Variants in CLEC16A observed in about 807,000 individuals in gnomAD.
CLEC16A encodes C-type lectin domain containing 16A, also known as protein CLEC16A.
A neutral mutation model predicts 109.5 loss-of-function variants in CLEC16A; 51 were observed. That is an observed-to-expected ratio of 0.47 (90% CI 0.37 to 0.59). The LOEUF (loss-of-function observed/expected upper bound fraction) is 0.59, where lower values mean the gene tolerates loss of function less well. CLEC16A is among the 20% of genes least tolerant of loss of function. The pLI is 0.00. For missense variants in CLEC16A, 1,339 were observed against 1,394.0 expected, an observed-to-expected ratio of 0.96 and a Z score of 0.63; for synonymous variants, 673 against 564.2, an observed-to-expected ratio of 1.19 and a Z score of -2.73.
chr16:11,167,605 A>G (rs987403862), intron 23 of CLEC16A, among the ~76,000 whole-genome samples: 2 of 152,092 alleles, frequency 1.3e-5, no homozygotes, highest in Admixed American at 1.3e-4. Context: ...TTTCCAGTTC[A>G]TGCCTGTGGC....
intron 22 of CLEC16A, among the ~76,000 whole-genome samples, chr16:11,148,292 A>T (rs533174936): frequency 5.9e-5 from 9 of 152,280 alleles, no homozygotes; most frequent in African/African-American, 2.2e-4. Flanking sequence ...AATGACTTTT[A>T]AAAATGTCAT....
At chr16:10,948,154 A>T (rs1376934904) in intron 1 of CLEC16A, among the ~76,000 whole-genome samples, 2 of 152,132 alleles carry the variant, frequency 1.3e-5, no homozygotes, top group African/African-American at 4.8e-5. Flanking sequence ...TGACCTCCCA[A>T]AGTGCTGGGA....
At chr16:11,086,056 G>C (rs770396059) in intron 19 of CLEC16A, among the ~76,000 whole-genome samples, 1 of 152,258 alleles carries the variant, frequency 6.6e-6, no homozygotes, top group Admixed American at 6.5e-5. Context: ...AGGATGAAGT[G>C]TGTGGAGCGC....
intron 10 of CLEC16A, among the ~76,000 whole-genome samples, chr16:10,984,554 T>TA (rs1426611451): frequency 6.6e-6 from 1 of 152,172 alleles, no homozygotes; most frequent in Non-Finnish European, 1.5e-5. Flanking sequence ...TCTTAACTCT[T>TA]ATAAGCGCTC....
intron 22 of CLEC16A, among the ~76,000 whole-genome samples, chr16:11,158,504 C>T (rs536080916): frequency 6.6e-6 from 1 of 152,318 alleles, no homozygotes; most frequent in Non-Finnish European, 1.5e-5. Context: ...GAAAACTGGA[C>T]TTCTTTGACA....
intron 13 of CLEC16A, among the ~76,000 whole-genome samples, chr16:11,038,692 G>A (rs1334119837): frequency 2.6e-5 from 4 of 152,102 alleles, no homozygotes; most frequent in South Asian, 4.1e-4. Flanking sequence ...TTCACTGGAG[G>A]AAAAATGATT....
At chr16:10,971,087 G>C (rs758331636) in intron 4 of CLEC16A, 38 bp from the exon 5 acceptor site, 1 of 1,391,946 alleles carries the variant, frequency 7.2e-7, no homozygotes. Flanking sequence ...CCTGGCTTAT[G>C]GGCTTATAAT....
chr16:11,036,244 C>G (rs566333313), intron 13 of CLEC16A, among the ~76,000 whole-genome samples: 1 of 152,238 alleles, frequency 6.6e-6, no homozygotes, highest in East Asian at 1.9e-4. Context: ...CTCCAGGATC[C>G]TGGCACGAAG....
At chr16:11,008,826 T>TAA (rs35514760) in intron 11 of CLEC16A, among the ~76,000 whole-genome samples, 2,192 of 86,204 alleles carry the variant, frequency 0.025, 114 homozygotes, top group African/African-American at 0.095. Flanking sequence ...CCGTCTCTAC[T>TAA]AAAAAAAAAA....
At chr16:11,130,675 TG>T (rs1027937166) in intron 22 of CLEC16A, among the ~76,000 whole-genome samples, 10 of 152,304 alleles carry the variant, frequency 6.6e-5, no homozygotes, top group African/African-American at 1.9e-4. Flanking sequence ...CCGTGGGTGC[TG>T]GGGCGTGACC....
chr16:11,138,235 G>A (rs2053660324), intron 22 of CLEC16A, among the ~76,000 whole-genome samples: 1 of 152,232 alleles, frequency 6.6e-6, no homozygotes, highest in Non-Finnish European at 1.5e-5. Flanking sequence ...GAGAAGCCTG[G>A]GGTCAGGGGG....
At chr16:11,077,509 T>A (rs968173786) in intron 19 of CLEC16A, among the ~76,000 whole-genome samples, 1 of 149,486 alleles carries the variant, frequency 6.7e-6, no homozygotes, top group Non-Finnish European at 1.5e-5. Context: ...GAAAAAACAT[T>A]AGCCAGGCGT....
intron 18 of CLEC16A, among the ~76,000 whole-genome samples, chr16:11,051,861 G>T (rs1437590810): frequency 6.6e-6 from 1 of 152,246 alleles, no homozygotes; most frequent in East Asian, 1.9e-4. Context: ...CTGGCACCCA[G>T]TGTTGGCTGC....
intron 1 of CLEC16A, among the ~76,000 whole-genome samples, chr16:10,947,945 G>C (rs545032077): frequency 2.0e-5 from 3 of 151,820 alleles, no homozygotes; most frequent in South Asian, 4.1e-4. Flanking sequence ...CCAGGCTGGA[G>C]TGCAGTGGCA....
chr16:10,982,894 A>C lies in CLEC16A; in HGVS notation c.974A>C (p.His325Pro). 1 of 1,603,484 alleles carries C rather than the reference A, an allele frequency of 6.2e-7. No homozygotes were observed. The highest frequency in any genetic ancestry group is 8.5e-7 in the Non-Finnish European group (1 of 1,170,358). The part of the protein sequence containing the change: ...YLLSQVFLII[H>P]HAPLVNSLAE... ...TTCCGCCAGGTCTTCTTAATTATAC[A>C]TCATGCACCGCTGGTGAACTCGTTA... The change falls in exon 10 of 24, where the codon CAT (histidine) becomes CCT (proline). Residue 325 changes from histidine (H) to proline (P), a missense_variant. Physicochemically the swap from His to Pro is moderately conservative, Grantham distance 77. Transcript: ENST00000409790.
In CLEC16A at chr16:11,003,322, A is replaced by G; in HGVS notation, c.1303+17A>G. 1.2e-6 allele frequency: 2 copies of G among 1,601,534 alleles called. No homozygotes were observed. The highest frequency in any genetic ancestry group is 8.5e-7 in the Non-Finnish European group (1 of 1,171,620). The stretch of plus-strand genomic sequence containing the variant: ...AGAGTGAAGGTGAGTGTCCCCATGA[A>G]CGCCGCCCTGTGCCTGCGCCGCCAG... On this transcript the variant is annotated intron_variant, in intron 11 of 23. Transcript: ENST00000409790.
chr16:11,145,239 C>A lies in CLEC16A; in HGVS notation c.2641+19093C>A, dbSNP rs115137956. Among the ~76,000 whole-genome samples the A allele has an allele frequency of 9.0e-3, 1,366 of 152,290 alleles. 27 individuals are homozygous for A. The highest frequency in any genetic ancestry group is 0.031 in the African/African-American group (1,291 of 41,558). ...CCCACTCTACTCCGACCACACACAG[C>A]CCTTGGAGCGGGAAAACAGTCACTG... On this transcript the variant is annotated intron_variant, in intron 22 of 23. Coordinates refer to ENST00000409790, the MANE Select transcript of CLEC16A (RefSeq NM_015226.3).
In CLEC16A at chr16:11,067,155, G is replaced by GT. The variant is rs200453714; in HGVS notation, c.2116+6133_2116+6134insT. Among the ~76,000 whole-genome samples, 1,163 of 139,822 alleles carry GT rather than the reference G, an allele frequency of 8.3e-3. 22 individuals are homozygous for GT. In the East Asian group the frequency reaches 0.092, roughly 11 times the overall value. 91.7% of individuals were successfully genotyped at this position (139,822 alleles called of 152,430 possible). On this transcript the variant is annotated intron_variant, in intron 19 of 23. Transcript: ENST00000409790. Reference sequence around the variant, plus strand: ...GGAGTGGGTTTGTTGTTGTTGTGGGGGTTTTTTTTTTGGTTTTTTTTTTGT... The same window carrying GT: ...GGAGTGGGTTTGTTGTTGTTGTGGGGTGTTTTTTTTTTGGTTTTTTTTTTGT...
At chr16:11,127,694 C>T (rs1033742160) in intron 22 of CLEC16A, among the ~76,000 whole-genome samples, 2 of 152,096 alleles carry the variant, frequency 1.3e-5, no homozygotes, top group African/African-American at 4.8e-5. Flanking sequence ...CACAGTGAGA[C>T]ATCGTGTCTA....
Sources: allele counts gnomAD v4.1 joint callset (sites outside exome capture counted in the v4.1 genomes callset), GRCh38; gene constraint gnomAD v4.1.1; transcripts MANE v1.5; gene names NCBI Gene and HGNC (gene_info 2026-07-23, HGNC 2026-07-21).